The following CCDC91 variants were observed in gnomAD, a reference collection of about 807,000 sequenced individuals.
CCDC91 encodes the protein coiled-coil domain containing 91.
Under a neutral mutation model 63.2 loss-of-function variants are expected in CCDC91, and 48 were observed. The ratio of observed to expected loss-of-function variants is 0.76; its 90% CI spans 0.60 to 0.97. The LOEUF (loss-of-function observed/expected upper bound fraction) is 0.97. Ranked by LOEUF, CCDC91 falls within the 50% of genes least tolerant of loss-of-function variation. The pLI, the probability that CCDC91 is intolerant of heterozygous loss-of-function variation, is 0.00. For missense variants in CCDC91, 500 were observed against 494.6 expected (o/e 1.01, Z -0.10); for synonymous variants, 167 against 165.8 (o/e 1.01, Z -0.06).
chr12:28,334,604 T>TG (rs1437651543), intron 6 of CCDC91, among the ~76,000 whole-genome samples: 1 of 152,196 alleles, frequency 6.6e-6, no homozygotes, highest in African/African-American at 2.4e-5. Context: ...ACATTCTCCT[T>TG]GCACATAAAT....
intron 6 of CCDC91, among the ~76,000 whole-genome samples, chr12:28,316,026 A>G (rs1939828128): frequency 6.6e-6 from 1 of 151,946 alleles, no homozygotes; most frequent in South Asian, 2.1e-4. Context: ...ATCATAAAAC[A>G]TTGCTGTCAA....
At chr12:28,379,295 A>T (rs533583557) in intron 7 of CCDC91, among the ~76,000 whole-genome samples, 1 of 152,176 alleles carries the variant, frequency 6.6e-6, no homozygotes, top group Non-Finnish European at 1.5e-5. Flanking sequence ...ACCAAAATTG[A>T]CAAATGGGAT....
chr12:28,205,166 T>C (rs1467283059), intron 1 of CCDC91, among the ~76,000 whole-genome samples: 2 of 151,840 alleles, frequency 1.3e-5, no homozygotes, highest in African/African-American at 2.4e-5. Context: ...AGGAATATGC[T>C]CAATTATAGA....
At chr12:28,511,770 G>GA (rs1361137829) in intron 12 of CCDC91, among the ~76,000 whole-genome samples, 1 of 151,518 alleles carries the variant, frequency 6.6e-6, no homozygotes, top group Non-Finnish European at 1.5e-5. Flanking sequence ...TTTTGTGTTG[G>GA]AAAAAAAATG....
At position 28,357,539 on chromosome 12, in the gene CCDC91, T is replaced by C. The variant is rs549137344; in HGVS notation, c.577-4899T>C. ...TGTGATTCTGTGTTTTATTGAGTTATATACAGAAAACATACCTGTTGATGA... is the reference window on the plus strand; with the variant it reads ...TGTGATTCTGTGTTTTATTGAGTTACATACAGAAAACATACCTGTTGATGA... On this transcript the variant is annotated intron_variant, in intron 6 of 12. Transcript: ENST00000536442. Among the ~76,000 whole-genome samples the C allele has an allele frequency of 2.6e-5, 4 of 152,248 alleles. No individual in the cohort carries two copies. The East Asian group carries it at 7.7e-4, about 29-fold the overall frequency.
chr12:28,509,867 G>A (rs546846827), intron 12 of CCDC91, among the ~76,000 whole-genome samples: 66 of 152,018 alleles, frequency 4.3e-4, no homozygotes, highest in South Asian at 1.7e-3. Context: ...TGTTTGGTAA[G>A]GGAATATTAT....
intron 7 of CCDC91, among the ~76,000 whole-genome samples, chr12:28,374,904 A>G (rs796357909): frequency 9.2e-5 from 14 of 152,240 alleles, no homozygotes; most frequent in African/African-American, 3.4e-4. Flanking sequence ...ATTATGTTCT[A>G]TTAGGCCTAA....
intron 3 of CCDC91, among the ~76,000 whole-genome samples, chr12:28,289,944 G>A (rs888587659): frequency 1.3e-5 from 2 of 151,802 alleles, no homozygotes; most frequent in South Asian, 2.1e-4. Context: ...CACCCGCCTC[G>A]GCCTCCCAAA....
chr12:28,241,986 A>C (rs1945366997), intron 1 of CCDC91, among the ~76,000 whole-genome samples: 1 of 129,700 alleles, frequency 7.7e-6, no homozygotes, highest in African/African-American at 3.0e-5. Context: ...ACAGACCGAG[A>C]CTCCTTCTCA....
intron 12 of CCDC91, among the ~76,000 whole-genome samples, chr12:28,546,391 G>T (rs766267063): frequency 6.6e-6 from 1 of 151,936 alleles, no homozygotes; most frequent in African/African-American, 2.4e-5. Context: ...TTATATTAAG[G>T]TTTATTATAA....
intron 6 of CCDC91, among the ~76,000 whole-genome samples, chr12:28,329,338 C>A (rs2137619220): frequency 6.6e-6 from 1 of 152,114 alleles, no homozygotes; most frequent in East Asian, 1.9e-4. Flanking sequence ...TATTTCATTC[C>A]CACCAAATTC....
chr12:28,297,193 G>A (rs1472301871), intron 3 of CCDC91, among the ~76,000 whole-genome samples: 1 of 151,726 alleles, frequency 6.6e-6, no homozygotes, highest in Non-Finnish European at 1.5e-5. Flanking sequence ...GGGGGTATAG[G>A]TAAAAGTGCA....
chr12:28,470,217 G>T (rs763122532), intron 11 of CCDC91, among the ~76,000 whole-genome samples: 7 of 151,950 alleles, frequency 4.6e-5, no homozygotes, highest in Non-Finnish European at 1.0e-4. Context: ...AATATATAAG[G>T]AGTTCAAACA....
intron 3 of CCDC91, among the ~76,000 whole-genome samples, chr12:28,301,671 T>G (rs1938095982): frequency 6.6e-6 from 1 of 151,752 alleles, no homozygotes; most frequent in Non-Finnish European, 1.5e-5. Context: ...GTAGAAATCC[T>G]CTTGAAATAA....
chr12:28,268,048 A>G (rs1014419085), intron 3 of CCDC91, among the ~76,000 whole-genome samples: 2 of 139,150 alleles, frequency 1.4e-5, no homozygotes, highest in African/African-American at 5.4e-5. Flanking sequence ...ATTAAAAATT[A>G]AAAATTAAAA....
intron 1 of CCDC91, among the ~76,000 whole-genome samples, chr12:28,225,485 T>C (rs1160432968): frequency 6.6e-6 from 1 of 152,036 alleles, no homozygotes; most frequent in African/African-American, 2.4e-5. Context: ...AGTTTCACTC[T>C]TTTTGCCCAG....
At chr12:28,410,915 C>T (rs953265795) in intron 8 of CCDC91, among the ~76,000 whole-genome samples, 1 of 151,900 alleles carries the variant, frequency 6.6e-6, no homozygotes, top group Non-Finnish European at 1.5e-5. Context: ...TCTGTCTGTT[C>T]CTTGTGTTCA....
chr12:28,271,951 A>C (rs992419067), intron 3 of CCDC91, among the ~76,000 whole-genome samples: 1 of 150,088 alleles, frequency 6.7e-6, no homozygotes, highest in African/African-American at 2.4e-5. Flanking sequence ...AGACATTATT[A>C]TTAGCAGTAT....
At position 28,241,212 on chromosome 12, in the gene CCDC91, A is replaced by C. The variant is rs555254125; in HGVS notation, c.-14-15990A>C. 5.3e-5 allele frequency among the ~76,000 whole-genome samples: 8 copies of C among 152,124 alleles called. No individual in the cohort carries two copies. In the South Asian group the frequency reaches 1.7e-3, roughly 32 times the overall value. The stretch of plus-strand genomic sequence containing the variant: ...TATATCTTCTTTGGTGAATGTCTCT[A>C]TCTTTTGTCTATTGAAAAGAACATG... On this transcript the variant is annotated intron_variant, in intron 1 of 12. Transcript: ENST00000536442.
Sources: allele counts gnomAD v4.1 joint callset (sites outside exome capture counted in the v4.1 genomes callset), GRCh38; gene constraint gnomAD v4.1.1; transcripts MANE v1.5; gene names NCBI Gene and HGNC (gene_info 2026-07-23, HGNC 2026-07-21).